Variants in CHL1 observed in about 807,000 individuals in gnomAD.
CHL1 encodes the protein cell adhesion molecule L1 like, also known as neural cell adhesion molecule L1-like protein.
CHL1 carries 96 observed loss-of-function variants against 141.9 expected under a neutral mutation model. The ratio of observed to expected loss-of-function variants is 0.68; its 90% confidence interval spans 0.57 to 0.80. The LOEUF is 0.80. Ranked by LOEUF, CHL1 falls within the 30% of genes least tolerant of loss-of-function variation. The probability of loss-of-function intolerance (pLI) is 0.00; values close to 1 mark genes in which losing one functional copy is unlikely to be tolerated. For synonymous variants in CHL1, 613 were observed against 502.2 expected, an observed-to-expected ratio of 1.22 and a Z score of -2.95; for missense variants, 1,820 against 1,457.2, an observed-to-expected ratio of 1.25 and a Z score of -4.05.
At chr3:198,277 C>G (rs1698573287) in intron 1 of CHL1, among the ~76,000 whole-genome samples, 1 of 152,048 alleles carries the variant, frequency 6.6e-6, no homozygotes, top group Admixed American at 6.5e-5. Flanking sequence ...CGCCGGCGTC[C>G]AGTCCCGCTC....
chr3:210,884 C>G (rs1699850130), intron 1 of CHL1, among the ~76,000 whole-genome samples: 1 of 152,176 alleles, frequency 6.6e-6, no homozygotes. Context: ...TTTGGCAAGG[C>G]TGAAGTGCCC....
intron 1 of CHL1, among the ~76,000 whole-genome samples, chr3:223,137 C>G (rs1002320603): frequency 2.0e-5 from 3 of 152,072 alleles, no homozygotes; most frequent in Non-Finnish European, 2.9e-5. Flanking sequence ...AACTAGGACA[C>G]GAACATCTTT....
At chr3:387,572 T>G (rs1258108710) in intron 19 of CHL1, among the ~76,000 whole-genome samples, 1 of 152,220 alleles carries the variant, frequency 6.6e-6, no homozygotes, top group Non-Finnish European at 1.5e-5. Flanking sequence ...AGAACTTTAT[T>G]AAATTTAACT....
intron 1 of CHL1, among the ~76,000 whole-genome samples, chr3:204,998 T>G (rs1699280581): frequency 6.6e-6 from 1 of 152,198 alleles, no homozygotes; most frequent in Non-Finnish European, 1.5e-5. Context: ...CTGCCTACAG[T>G]AGTGAAAATT....
chr3:361,813 A>G lies in CHL1; in HGVS notation c.1418+3A>G. The G allele has an allele frequency of 6.3e-7, 1 of 1,591,070 alleles. No individual in the cohort carries two copies. Among genetic ancestry groups the G allele is most frequent in the East Asian group, 2.2e-5 (1 of 44,756 alleles). On this transcript the variant is annotated splice_donor_region_variant and intron_variant, in intron 13 of 27. Transcript: ENST00000256509. The stretch of plus-strand genomic sequence containing the variant: ...TCACCTGAGGCAGTCGTGTCCTGGT[A>G]AGCCGGTGGCTCATGGTTTTCTTAA...
At chr3:296,439 T>C (rs1200615660) in intron 2 of CHL1, among the ~76,000 whole-genome samples, 1 of 151,786 alleles carries the variant, frequency 6.6e-6, no homozygotes, top group Non-Finnish European at 1.5e-5. Flanking sequence ...TCATGCTTTT[T>C]TTTCTTCCCT....
intron 19 of CHL1, 73 bp downstream of exon 19, chr3:383,959 ATGAT>A: frequency 1.1e-6 from 1 of 900,752 alleles, no homozygotes; most frequent in Non-Finnish European, 1.8e-6. Flanking sequence ...GCTAACTACA[ATGAT>A]AGCACAACAT....
intron 2 of CHL1, among the ~76,000 whole-genome samples, chr3:264,905 T>C (rs1289836788): frequency 6.6e-6 from 1 of 152,194 alleles, no homozygotes. Flanking sequence ...CACTTTGAAG[T>C]GCCTTTATTT....
chr3:360,258 A>T lies in CHL1; in HGVS notation c.1166-26A>T. On this transcript the variant is annotated intron_variant, in intron 11 of 27. Transcript: ENST00000256509. Reference sequence around the variant, plus strand: ...ATATTTTATGTCCTGTTCCTTATCAAACTGACATTCTTTAATCTCTTTCAG... The same window carrying T: ...ATATTTTATGTCCTGTTCCTTATCATACTGACATTCTTTAATCTCTTTCAG... 1.9e-6 allele frequency: 3 copies of T among 1,612,388 alleles called. No individual in the cohort carries two copies. The South Asian group carries it at 3.3e-5, about 18-fold the overall frequency.
chr3:225,823 C>G (rs1056046490), intron 1 of CHL1, among the ~76,000 whole-genome samples: 5 of 152,014 alleles, frequency 3.3e-5, no homozygotes, highest in Non-Finnish European at 5.9e-5. Context: ...TCCTGGCTAA[C>G]TCTGTGAAAA....
intron 19 of CHL1, chr3:384,409 C>T (rs561002727): frequency 1.3e-5 from 2 of 152,266 alleles, no homozygotes; most frequent in South Asian, 2.1e-4. Flanking sequence ...GAATGTCTTG[C>T]CCATCACCAC....
intron 1 of CHL1, among the ~76,000 whole-genome samples, chr3:206,129 G>A (rs1361094509): frequency 6.6e-6 from 1 of 152,218 alleles, no homozygotes; most frequent in East Asian, 1.9e-4. Context: ...TGAGGTATTA[G>A]ATGATAATGC....
chr3:198,572 C>T (rs184604842), intron 1 of CHL1, among the ~76,000 whole-genome samples: 4 of 152,192 alleles, frequency 2.6e-5, no homozygotes, highest in Non-Finnish European at 5.9e-5. Flanking sequence ...TATCGATACC[C>T]TCTATACTGG....
At chr3:344,318 C>T (rs1702581666) in intron 8 of CHL1, among the ~76,000 whole-genome samples, 2 of 152,122 alleles carry the variant, frequency 1.3e-5, no homozygotes, top group South Asian at 4.2e-4. Context: ...TCTGTTTGAC[C>T]TTCTGAGTTA....
rs765819459 is a variant in CHL1 at position 394,877 on chromosome 3, G to T, written c.3094+5G>T. 1.3e-6 allele frequency: 2 copies of T among 1,590,188 alleles called. No individual in the cohort carries two copies. The highest frequency in any genetic ancestry group is 1.7e-6 in the Non-Finnish European group (2 of 1,172,236). On this transcript the variant is annotated splice_donor_5th_base_variant and intron_variant, in intron 24 of 27. Coordinates refer to ENST00000256509, the MANE Select transcript of CHL1 (RefSeq NM_006614.4). The stretch of plus-strand genomic sequence containing the variant: ...GCTCCACCTTAGGAGAAGGGAGTAA[G>T]TACATGAGGCTTCTCTTTTTAATAG...
At chr3:365,100 G>T (rs181858963) in intron 14 of CHL1, among the ~76,000 whole-genome samples, 75 of 152,222 alleles carry the variant, frequency 4.9e-4, no homozygotes, top group Non-Finnish European at 9.7e-4. Flanking sequence ...TGAGAAAAAT[G>T]TACATAGCCA....
At chr3:293,836 C>A (rs1446621693) in intron 2 of CHL1, among the ~76,000 whole-genome samples, 2 of 145,776 alleles carry the variant, frequency 1.4e-5, no homozygotes, top group Non-Finnish European at 3.0e-5. Flanking sequence ...TGGAGTCTTG[C>A]TCTGTCACTC....
At chr3:398,465 T>C (rs957673850) in intron 25 of CHL1, 80 bp downstream of exon 25, 3 of 796,666 alleles carry the variant, frequency 3.8e-6, no homozygotes, top group Non-Finnish European at 5.8e-6. Flanking sequence ...GTGTCCTATA[T>C]TAAACATAAA....
chr3:296,078 C>A (rs1055852047), intron 2 of CHL1, among the ~76,000 whole-genome samples: 3 of 152,118 alleles, frequency 2.0e-5, no homozygotes, highest in Admixed American at 6.5e-5. Flanking sequence ...AGTTCAGACC[C>A]CTTCTTAGTG....
Sources: allele counts gnomAD v4.1 joint callset (sites outside exome capture counted in the v4.1 genomes callset), GRCh38; gene constraint gnomAD v4.1.1; transcripts MANE v1.5; gene names NCBI Gene and HGNC (gene_info 2026-07-23, HGNC 2026-07-21).